Variants in SUCO observed in about 807,000 individuals in gnomAD.
SUCO encodes the protein SUN domain-containing ossification factor.
In SUCO, 57 loss-of-function variants were observed where a neutral mutation model predicts 148.1. The observed-to-expected ratio is 0.38, with a 90% CI of 0.31 to 0.48. The LOEUF (loss-of-function observed/expected upper bound fraction) is 0.48, where lower values mean the gene tolerates loss of function less well. Ranked by LOEUF, SUCO falls within the 20% of genes least tolerant of loss-of-function variation. The probability of loss-of-function intolerance (pLI) is 0.96; values close to 1 mark genes in which losing one functional copy is unlikely to be tolerated. For missense variants in SUCO, 1,331 were observed against 1,468.2 expected (o/e 0.91, Z 1.53); for synonymous variants, 470 against 502.7 (o/e 0.93, Z 0.87).
intron 15 of SUCO, among the ~76,000 whole-genome samples, chr1:172,584,663 C>T (rs1656108157): frequency 6.6e-6 from 1 of 152,126 alleles, no homozygotes. Flanking sequence ...GTCCCAGCTA[C>T]TCGGGAGGCT....
At chr1:172,605,288 A>G (rs1657795392) in intron 22 of SUCO, among the ~76,000 whole-genome samples, 2 of 151,756 alleles carry the variant, frequency 1.3e-5, no homozygotes, top group Non-Finnish European at 3.0e-5. Flanking sequence ...TTTTCTTCCA[A>G]GACTTTTATA....
In SUCO at chr1:172,570,058, C is replaced by T; in HGVS notation, c.868C>T (p.His290Tyr). 1 of 1,556,666 alleles carries T rather than the reference C, an allele frequency of 6.4e-7. No individual in the cohort carries two copies. The highest frequency in any genetic ancestry group is 8.7e-7 in the Non-Finnish European group (1 of 1,146,614). The change falls in exon 8 of 24, where the codon CAT (histidine) becomes TAT (tyrosine). Residue 290 changes from histidine (H) to tyrosine (Y), a missense_variant. Physicochemically the swap from His to Tyr is moderately conservative, Grantham distance 83. Around this residue, in one of 3 missense-constraint regions of SUCO, gnomAD observed 992 missense variants for 1,093.5 expected, o/e 0.91. Transcript: ENST00000263688. Reference protein sequence around the residue: ...EVEKEKSQSMHASSNGGSHAT... With the variant: ...EVEKEKSQSMYASSNGGSHAT... ...CGGTTTGTCTGCAGGTCAGTCGATGCATGCATCTTCTAATGGAGGTTCACA... is the reference window on the plus strand; with the variant it reads ...CGGTTTGTCTGCAGGTCAGTCGATGTATGCATCTTCTAATGGAGGTTCACA...
intron 14 of SUCO, chr1:172,578,696 A>G: frequency 3.9e-6 from 1 of 256,862 alleles, no homozygotes; most frequent in Non-Finnish European, 6.1e-6. Flanking sequence ...CTCACAAGAT[A>G]CTGAAATAGT....
intron 15 of SUCO, 32 bp downstream of exon 15, chr1:172,579,299 A>C (rs1181381148): frequency 7.2e-7 from 1 of 1,388,922 alleles, no homozygotes; most frequent in African/African-American, 1.4e-5. Flanking sequence ...TATTCATTCT[A>C]CTACTTTTTC....
intron 7 of SUCO, 133 bp from the exon 8 acceptor site, chr1:172,569,914 T>G (rs1190841012): frequency 1.2e-5 from 10 of 833,930 alleles, no homozygotes; most frequent in Non-Finnish European, 1.6e-5. Flanking sequence ...TTTTAAAATA[T>G]TCTCTCAAGT....
chr1:172,599,459 A>C, intron 19 of SUCO: 1 of 803,078 alleles, frequency 1.2e-6, no homozygotes, highest in Non-Finnish European at 1.5e-6. Flanking sequence ...TGTTGATTAT[A>C]AAAGTTTCTA....
rs747767814 is a variant in SUCO at position 172,589,050 on chromosome 1, C to G, written c.1949C>G (p.Thr650Ser). The G allele has an allele frequency of 3.7e-6, 6 of 1,613,514 alleles. No individual in the cohort carries two copies. Among genetic ancestry groups the G allele is most frequent in the Non-Finnish European group, 5.1e-6 (6 of 1,179,812 alleles). ...GCTCTTTATCGGCAGCGCAGCCGAA[C>G]TGCTTTGAGTAAAGGAAAAGATTAT... ...RVALYRQRSR[T>S]ALSKGKDYLV... Residue 650 changes from threonine to serine, a missense_variant, in exon 18 of 24, where the codon ACT (threonine) becomes AGT (serine). Thr to Ser is a moderately conservative substitution (Grantham distance 58). Around this residue, in one of 3 missense-constraint regions of SUCO, gnomAD observed 992 missense variants for 1,093.5 expected, o/e 0.91. Coordinates refer to ENST00000263688, the MANE Select transcript of SUCO (RefSeq NM_014283.5).
chr1:172,560,382 G>A (rs1654063265), intron 6 of SUCO, among the ~76,000 whole-genome samples: 1 of 152,196 alleles, frequency 6.6e-6, no homozygotes, highest in Non-Finnish European at 1.5e-5. Flanking sequence ...GTCTGGAGTT[G>A]TTCATATAGG....
intron 22 of SUCO, among the ~76,000 whole-genome samples, chr1:172,607,524 G>T (rs1004930269): frequency 6.6e-6 from 1 of 151,774 alleles, no homozygotes. Flanking sequence ...CAGAACCAAA[G>T]TTCATATATT....
intron 23 of SUCO, chr1:172,609,365 G>A: frequency 1.0e-6 from 1 of 981,112 alleles, no homozygotes; most frequent in Non-Finnish European, 1.2e-6. Context: ...GGGCTTTGTA[G>A]GCAAATAGCC....
Position 172,589,028 on chromosome 1 carries a change from C to G in SUCO, c.1927C>G (p.Leu643Val). 2.5e-6 allele frequency: 4 copies of G among 1,613,578 alleles called. No homozygotes were observed. The highest frequency in any genetic ancestry group is 2.5e-6 in the Non-Finnish European group (3 of 1,179,772). The change falls in exon 18 of 24, where the codon CTT becomes GTT. Residue 643 changes from leucine to valine, a missense_variant. By Grantham distance (32) the Leu-to-Val change is conservative. Transcript: ENST00000263688. ...IYKWCSVRVA[L>V]YRQRSRTALS... ...TAAATGGTGTTCAGTTAGAGTTGCTCTTTATCGGCAGCGCAGCCGAACTGC... is the reference window on the plus strand; with the variant it reads ...TAAATGGTGTTCAGTTAGAGTTGCTGTTTATCGGCAGCGCAGCCGAACTGC...
chr1:172,579,436 A>G (rs1655708026), intron 15 of SUCO, among the ~76,000 whole-genome samples, 169 bp downstream of exon 15: 2 of 152,102 alleles, frequency 1.3e-5, no homozygotes, highest in Admixed American at 6.5e-5. Flanking sequence ...ATAAGAATAT[A>G]TGAAAAGAAA....
chr1:172,606,543 A>C (rs1657881792), intron 22 of SUCO, among the ~76,000 whole-genome samples: 1 of 151,712 alleles, frequency 6.6e-6, no homozygotes, highest in African/African-American at 2.4e-5. Flanking sequence ...TTTTAATTCT[A>C]TTCTTTCTGC....
intron 21 of SUCO, 62 bp downstream of exon 21, chr1:172,602,280 A>C: frequency 6.9e-7 from 1 of 1,447,294 alleles, no homozygotes; most frequent in Non-Finnish European, 9.2e-7. Flanking sequence ...TATTTTTGAG[A>C]AATTTTAAGC....
At position 172,553,429 on chromosome 1, in the gene SUCO, GA is replaced by G. The variant is rs901678096; in HGVS notation, c.288+63del. 4 of 1,270,996 alleles carry G rather than the reference GA, an allele frequency of 3.1e-6. No homozygotes were observed. In the African/African-American group the frequency reaches 6.2e-5, roughly 20 times the overall value. 78.7% of individuals were successfully genotyped at this position (1,270,996 alleles called of 1,614,324 possible). The stretch of plus-strand genomic sequence containing the variant: ...TCATTTCAAACTACTTTACAAGATT[GA>G]AAACCTTTGGTCACCATATTGTGTG... On this transcript the variant is annotated intron_variant, in intron 3 of 23. Coordinates refer to ENST00000263688, the MANE Select transcript of SUCO (RefSeq NM_014283.5).
intron 4 of SUCO, chr1:172,556,899 A>G (rs1653795714): frequency 2.1e-6 from 2 of 943,594 alleles, no homozygotes; most frequent in Non-Finnish European, 2.5e-6. Flanking sequence ...TATATTTTAA[A>G]AACGAAATTC....
At chr1:172,605,376 G>A (rs1331314823) in intron 22 of SUCO, among the ~76,000 whole-genome samples, 1 of 151,816 alleles carries the variant, frequency 6.6e-6, no homozygotes, top group African/African-American at 2.4e-5. Context: ...TCTTTGGAAT[G>A]TGAATATTCA....
chr1:172,585,425 A>G (rs926025747), intron 16 of SUCO, among the ~76,000 whole-genome samples: 3 of 152,144 alleles, frequency 2.0e-5, no homozygotes, highest in Non-Finnish European at 4.4e-5. Flanking sequence ...TTAAATAGCT[A>G]CTTGATTTAG....
Position 172,578,362 on chromosome 1 carries a change from C to T in SUCO, c.1405C>T (p.Arg469Cys), listed in dbSNP as rs376988317. ...EIADSQYHSE[R>C]QELFDEDYDY... ...TGCTGATTCCCAGTATCACTCAGAACGCCAGGAACTATTTGATGAGGACTA... is the reference window on the plus strand; with the variant it reads ...TGCTGATTCCCAGTATCACTCAGAATGCCAGGAACTATTTGATGAGGACTA... The change falls in exon 14 of 24, where the codon CGC becomes TGC. Residue 469 changes from arginine (R) to cysteine (C), a missense_variant. Arg to Cys is a radical substitution (Grantham distance 180). Transcript: ENST00000263688. 1.1e-5 allele frequency: 17 copies of T among 1,612,380 alleles called. No individual in the cohort carries two copies. The highest frequency in any genetic ancestry group is 4.4e-5 in the South Asian group (4 of 91,032).
Sources: gnomAD v4.1 joint callset for allele counts (sites outside exome capture counted in the v4.1 genomes callset) on GRCh38, gnomAD v4.1.1 for gene constraint, gnomAD v4.1.1 regional missense constraint, MANE v1.5 for transcripts, NCBI Gene and HGNC (gene_info 2026-07-23, HGNC 2026-07-21) for gene names.